Variants in GRIK1 observed in about 807,000 individuals in gnomAD.
The protein encoded by GRIK1 is glutamate ionotropic receptor kainate type subunit 1.
In GRIK1, 69 loss-of-function variants were observed where a neutral mutation model predicts 105.7. The observed-to-expected ratio is 0.65, with a 90% CI of 0.54 to 0.80. GRIK1 has a LOEUF of 0.80. Among genes scored for constraint, GRIK1 ranks in the 30% least tolerant of loss-of-function variants. The pLI is 0.00. For missense variants in GRIK1, 1,109 were observed against 1,167.3 expected (o/e 0.95, Z 0.73); for synonymous variants, 438 against 431.3 (o/e 1.02, Z -0.19).
intron 1 of GRIK1, among the ~76,000 whole-genome samples, chr21:29,932,836 C>A (rs906076407): frequency 6.0e-5 from 9 of 151,208 alleles, no homozygotes; most frequent in Non-Finnish European, 1.2e-4. Context: ...CTTTAATTTA[C>A]CACAAATTAC....
intron 1 of GRIK1, among the ~76,000 whole-genome samples, chr21:29,749,720 G>C (rs2065134961): frequency 6.6e-6 from 1 of 152,146 alleles, no homozygotes; most frequent in African/African-American, 2.4e-5. Context: ...TTGATATATG[G>C]GGGTGGGAAG....
chr21:29,854,274 T>C lies in GRIK1; in HGVS notation c.118+85109A>G, dbSNP rs191978037. Among the ~76,000 whole-genome samples the C allele has an allele frequency of 1.2e-3, 187 of 152,202 alleles. 2 individuals carry two copies. The highest frequency in any genetic ancestry group is 4.4e-3 in the African/African-American group (181 of 41,504). ...CTCACATAAACTAATAGAGCAAGAA[T>C]GTACTCTTTGCTTTGGTGATAGCAC... On this transcript the variant is annotated intron_variant, in intron 1 of 17. Transcript: ENST00000327783.
chr21:29,846,816 T>C (rs377004863), intron 1 of GRIK1, among the ~76,000 whole-genome samples: 1 of 152,338 alleles, frequency 6.6e-6, no homozygotes, highest in East Asian at 1.9e-4. Flanking sequence ...AATTATTTTC[T>C]TGTGTTTTTT....
chr21:29,541,725 C>T (rs2089975850), intron 16 of GRIK1, among the ~76,000 whole-genome samples: 1 of 151,256 alleles, frequency 6.6e-6, no homozygotes, highest in South Asian at 2.1e-4. Context: ...GGTGTTAAAA[C>T]ATAAATTTTC....
chr21:29,613,705 A>G (rs2061779285), intron 7 of GRIK1, among the ~76,000 whole-genome samples: 1 of 152,196 alleles, frequency 6.6e-6, no homozygotes. Context: ...TAGTATGGCC[A>G]ATGTAGTTTT....
At chr21:29,630,803 TG>T in intron 7 of GRIK1, 1 of 356,616 alleles carries the variant, frequency 2.8e-6, no homozygotes, top group Non-Finnish European at 5.5e-6. Flanking sequence ...TTTTTGTTTT[TG>T]TTTTTGAGAC....
At chr21:29,696,887 C>T (rs2063713023) in intron 1 of GRIK1, among the ~76,000 whole-genome samples, 1 of 152,166 alleles carries the variant, frequency 6.6e-6, no homozygotes, top group Non-Finnish European at 1.5e-5. Flanking sequence ...ACCTGATCTA[C>T]CTACTTCCTC....
intron 1 of GRIK1, among the ~76,000 whole-genome samples, chr21:29,734,037 G>A (rs1006369132): frequency 6.6e-6 from 1 of 152,048 alleles, no homozygotes; most frequent in Admixed American, 6.6e-5. Context: ...CATAATGGCT[G>A]TGTTTAACAA....
chr21:29,931,898 T>C (rs2071579835), intron 1 of GRIK1, among the ~76,000 whole-genome samples: 1 of 152,026 alleles, frequency 6.6e-6, no homozygotes, highest in South Asian at 2.1e-4. Context: ...TGTTTTAATA[T>C]TTTTTTGAAT....
intron 1 of GRIK1, among the ~76,000 whole-genome samples, chr21:29,791,009 A>G (rs1427798298): frequency 6.6e-6 from 1 of 152,162 alleles, no homozygotes; most frequent in Admixed American, 6.5e-5. Context: ...GGGTGGTCTG[A>G]GTAGGTGACA....
At chr21:29,763,383 T>TC (rs34579724) in intron 1 of GRIK1, among the ~76,000 whole-genome samples, 145,860 of 152,318 alleles carry the variant, frequency 0.96, 69,901 homozygotes, top group East Asian at 1. Flanking sequence ...AATTACCCCA[T>TC]TCAGGCATTC....
Position 29,563,506 on chromosome 21 carries a change from C to T in GRIK1, c.2131-1657G>A, listed in dbSNP as rs9975591. The stretch of plus-strand genomic sequence containing the variant: ...GCCCCTGTGAGTTATGCCACAGCCC[C>T]GGAGATATCTGCAAGCTGCAGCTCA... On this transcript the variant is annotated intron_variant, in intron 14 of 17. Coordinates refer to ENST00000327783, the MANE Select transcript of GRIK1 (RefSeq NM_001330994.2). 5.3e-5 allele frequency among the ~76,000 whole-genome samples: 8 copies of T among 152,256 alleles called. No homozygotes were observed. In the East Asian group the frequency reaches 1.4e-3, roughly 26 times the overall value.
intron 1 of GRIK1, among the ~76,000 whole-genome samples, chr21:29,898,933 T>C (rs145242837): frequency 3.8e-3 from 572 of 151,836 alleles, no homozygotes; most frequent in African/African-American, 0.011. Context: ...GATCACGTCA[T>C]TGCACTCCAG....
chr21:29,692,631 TG>T (rs2063606278), intron 2 of GRIK1, among the ~76,000 whole-genome samples: 1 of 151,936 alleles, frequency 6.6e-6, no homozygotes, highest in Non-Finnish European at 1.5e-5. Context: ...TGGAGTGCAG[TG>T]GTGCAATCTT....
At chr21:29,773,679 T>C (rs1396476791) in intron 1 of GRIK1, among the ~76,000 whole-genome samples, 1 of 152,068 alleles carries the variant, frequency 6.6e-6, no homozygotes, top group Non-Finnish European at 1.5e-5. Context: ...TAGAAAACGA[T>C]AAAAATGTGT....
chr21:29,828,096 G>A (rs1477634638), intron 1 of GRIK1, among the ~76,000 whole-genome samples: 2 of 151,626 alleles, frequency 1.3e-5, no homozygotes, highest in African/African-American at 4.9e-5. Context: ...CTCACATGGT[G>A]GCTCGGGGCT....
intron 1 of GRIK1, among the ~76,000 whole-genome samples, chr21:29,896,135 C>T (rs1023756414): frequency 6.6e-6 from 1 of 152,194 alleles, no homozygotes; most frequent in Admixed American, 6.5e-5. Context: ...ATATGGAACA[C>T]CTGCATGCAT....
chr21:29,775,415 C>A (rs1306491609), intron 1 of GRIK1, among the ~76,000 whole-genome samples: 1 of 152,180 alleles, frequency 6.6e-6, no homozygotes, highest in East Asian at 1.9e-4. Flanking sequence ...AGAGAAGCAC[C>A]TTTCTCTGCT....
intron 1 of GRIK1, among the ~76,000 whole-genome samples, chr21:29,843,958 T>G (rs1212379067): frequency 6.6e-6 from 1 of 152,170 alleles, no homozygotes; most frequent in African/African-American, 2.4e-5. Context: ...AAGTTTTCAC[T>G]CTGTGATAGT....
Sources: gnomAD v4.1 joint callset for allele counts (sites outside exome capture counted in the v4.1 genomes callset) on GRCh38, gnomAD v4.1.1 for gene constraint, MANE v1.5 for transcripts, NCBI Gene and HGNC (gene_info 2026-07-23, HGNC 2026-07-21) for gene names.